Variants in SLC43A2 observed in about 807,000 individuals in gnomAD.
The protein encoded by SLC43A2 is solute carrier family 43 member 2, also known as large neutral amino acids transporter small subunit 4.
Under a neutral mutation model 63.2 loss-of-function variants are expected in SLC43A2, and 38 were observed. The observed-to-expected ratio is 0.60, with a 90% CI of 0.46 to 0.79. SLC43A2 has a LOEUF of 0.79. SLC43A2 is among the 30% of genes least tolerant of loss of function. SLC43A2 has a pLI of 0.00. For missense variants in SLC43A2, 644 were observed against 756.2 expected (o/e 0.85, Z 1.74); for synonymous variants, 322 against 331.0 (o/e 0.97, Z 0.30).
intron 5 of SLC43A2, among the ~76,000 whole-genome samples, chr17:1,594,176 G>A (rs1006071260): frequency 1.3e-5 from 2 of 152,166 alleles, no homozygotes; most frequent in South Asian, 2.1e-4. Context: ...CCCACAGGAT[G>A]TTCGGCCCGA....
chr17:1,616,880 C>T, intron 2 of SLC43A2, 111 bp from the exon 3 acceptor site: 1 of 1,279,310 alleles, frequency 7.8e-7, no homozygotes, highest in Non-Finnish European at 1.1e-6. Context: ...CCAGGGCTGG[C>T]TGGCGGCCTC....
chr17:1,588,362 G>C (rs1904410317), intron 9 of SLC43A2, among the ~76,000 whole-genome samples: 1 of 150,428 alleles, frequency 6.6e-6, no homozygotes, highest in South Asian at 2.1e-4. Context: ...CTCCAGCCCG[G>C]GTGACAAGAG....
At chr17:1,621,291 AG>A (rs141531092) in intron 2 of SLC43A2, among the ~76,000 whole-genome samples, 4 of 152,210 alleles carry the variant, frequency 2.6e-5, no homozygotes, top group African/African-American at 9.6e-5. Flanking sequence ...ATGATGCTTG[AG>A]GGGGCCAAGA....
Position 1,569,499 on chromosome 17 carries a change from G to A in SLC43A2, c.*6105C>T, listed in dbSNP as rs1186722915. 2 of 152,242 alleles carry A rather than the reference G, an allele frequency of 1.3e-5. No individual in the cohort carries two copies. Among genetic ancestry groups the A allele is most frequent in the African/African-American group, 4.8e-5 (2 of 41,452 alleles). 9.4% of individuals were successfully genotyped at this position (152,242 alleles called of 1,614,324 possible). ...GGAAAGGGATTCAGCGAGGTAAGAC[G>A]CTTCCCCTCTCCTCCATTCAGAGAG... On this transcript the variant is annotated 3_prime_UTR_variant, in exon 14 of 14. Transcript: ENST00000301335.
rs778895691 is a variant in SLC43A2 at position 1,578,369 on chromosome 17, G to A, written c.1351-46C>T. On this transcript the variant is annotated intron_variant, in intron 11 of 13. Transcript: ENST00000301335. The surrounding 1 kb of genome is among the most constrained non-coding windows in gnomAD (Gnocchi z 6.5). Reference sequence around the variant, plus strand: ...TGTGGGCATAAGGCCTTAAGGGACCGTCCCCTCAGCCCCCGCCCTCCAATT... The same window carrying A: ...TGTGGGCATAAGGCCTTAAGGGACCATCCCCTCAGCCCCCGCCCTCCAATT... 1.1e-5 allele frequency: 17 copies of A among 1,581,310 alleles called. No individual in the cohort carries two copies. The highest frequency in any genetic ancestry group is 6.8e-5 in the East Asian group (3 of 44,032).
Position 1,583,248 on chromosome 17 carries a change from C to T in SLC43A2, c.1306G>A (p.Val436Met), listed in dbSNP as rs141106834. The T allele has an allele frequency of 1.9e-5, 31 of 1,614,036 alleles. No homozygotes were observed. Among genetic ancestry groups the T allele is most frequent in the Admixed American group, 1.0e-4 (6 of 60,008 alleles). ...RAFAFTNLLLVGFGVTCLIPN... is the reference protein window; with the variant it reads ...RAFAFTNLLLMGFGVTCLIPN... Reference sequence around the variant, plus strand: ...ATGAGGCAGGTCACCCCAAAGCCCACGAGCAGCAGGTTGGTGAAGGCGAAG... The same window carrying T: ...ATGAGGCAGGTCACCCCAAAGCCCATGAGCAGCAGGTTGGTGAAGGCGAAG... The change falls in exon 11 of 14, where the codon GTG becomes ATG. Residue 436 changes from valine to methionine, a missense_variant. This residue lies in a region of SLC43A2 where 528 missense variants were observed against 623.6 expected (regional missense o/e 0.85). Coordinates refer to ENST00000301335, the MANE Select transcript of SLC43A2 (RefSeq NM_152346.3). This position sits in a 1 kb window ranked among gnomAD's most constrained non-coding sequence, Gnocchi z 5.5.
chr17:1,611,426 G>A (rs1377619203), intron 5 of SLC43A2, among the ~76,000 whole-genome samples: 1 of 152,124 alleles, frequency 6.6e-6, no homozygotes, highest in East Asian at 1.9e-4. Flanking sequence ...CCTGAGATCA[G>A]GGGTATGAGA....
At chr17:1,602,676 G>A (rs1041003313) in intron 5 of SLC43A2, among the ~76,000 whole-genome samples, 4 of 150,334 alleles carry the variant, frequency 2.7e-5, no homozygotes, top group Non-Finnish European at 5.9e-5. Flanking sequence ...ATAAAATGAA[G>A]ACATTCACAG....
In SLC43A2 at chr17:1,569,347, G is replaced by A. The variant is rs562582028; in HGVS notation, c.*6257C>T. ...GTGCTAGAAACGGCAAAGGAGCAGG[G>A]AAGAGGCGGGTCAGCCGCTGGGTTG... On this transcript the variant is annotated 3_prime_UTR_variant, in exon 14 of 14. Transcript: ENST00000301335. 1 of 152,508 alleles carries A rather than the reference G, an allele frequency of 6.6e-6. No homozygotes were observed. Among genetic ancestry groups the A allele is most frequent in the South Asian group, 2.1e-4 (1 of 4,834 alleles). 9.4% of individuals were successfully genotyped at this position (152,508 alleles called of 1,614,324 possible).
At chr17:1,609,733 C>G (rs994514278) in intron 5 of SLC43A2, among the ~76,000 whole-genome samples, 1 of 150,724 alleles carries the variant, frequency 6.6e-6, no homozygotes, top group Admixed American at 6.6e-5. Context: ...TACAGAACTG[C>G]TTAATAATAA....
Position 1,591,308 on chromosome 17 carries a change from T to C in SLC43A2, c.892A>G (p.Thr298Ala). The change falls in exon 8 of 14, where the codon ACC (threonine) becomes GCC (alanine). Residue 298 changes from threonine to alanine, a missense_variant. This residue lies in a region of SLC43A2 where 528 missense variants were observed against 623.6 expected (regional missense o/e 0.85). Transcript: ENST00000301335. The part of the protein sequence containing the change: ...LQEGHKLCLS[T>A]VDLEVKCQPD... ...TGGCACTTCACCTCCAGGTCGACGG[T>C]GGACAGGCACAGCTTGTGGCCCTCC... 6.2e-7 allele frequency: 1 copy of C among 1,607,546 alleles called. No homozygotes were observed. Among genetic ancestry groups the C allele is most frequent in the East Asian group, 2.2e-5 (1 of 44,858 alleles).
At chr17:1,589,465 T>C (rs1001235703) in intron 9 of SLC43A2, among the ~76,000 whole-genome samples, 1 of 151,998 alleles carries the variant, frequency 6.6e-6, no homozygotes, top group Admixed American at 6.6e-5. Context: ...ATTAGCTGGG[T>C]GTGGTGGCGC....
At chr17:1,611,908 C>T (rs1907142236) in intron 5 of SLC43A2, among the ~76,000 whole-genome samples, 1 of 9,604 alleles carries the variant, frequency 1.0e-4, no homozygotes, top group Middle Eastern at 0.1. Context: ...CTGGGCGAGC[C>T]CACAGAGTTC....
intron 2 of SLC43A2, among the ~76,000 whole-genome samples, chr17:1,617,499 T>C (rs1052946457): frequency 6.6e-6 from 1 of 152,092 alleles, no homozygotes; most frequent in African/African-American, 2.4e-5. Flanking sequence ...CAAGCAATTC[T>C]CCTGCCTCAG....
chr17:1,586,569 C>T (rs2076105579), intron 9 of SLC43A2, among the ~76,000 whole-genome samples: 1 of 152,046 alleles, frequency 6.6e-6, no homozygotes, highest in African/African-American at 2.4e-5. Flanking sequence ...GTGGCAGGCA[C>T]CTGTAACCCC....
At chr17:1,592,601 C>T (rs975959082) in intron 6 of SLC43A2, among the ~76,000 whole-genome samples, 1 of 152,164 alleles carries the variant, frequency 6.6e-6, no homozygotes, top group African/African-American at 2.4e-5. Flanking sequence ...TTCCCACACA[C>T]ACCACCGAGG....
At position 1,600,135 on chromosome 17, in the gene SLC43A2, A is replaced by AATATATATATATATATATATATATATAT. The variant is rs546467041; in HGVS notation, c.502-6857_502-6856insATATATATATATATATATATATATATAT. Among the ~76,000 whole-genome samples, 12 of 47,904 alleles carry AATATATATATATATATATATATATATAT rather than the reference A, an allele frequency of 2.5e-4. No individual in the cohort carries two copies. The East Asian group carries it at 2.7e-3, about 11-fold the overall frequency. 31.4% of individuals were successfully genotyped at this position (47,904 alleles called of 152,430 possible). ...TTTACAGTAAGCTATATATTAATTGAATATATATATATATATATTTTTTTT... is the reference window on the plus strand; with the variant it reads ...TTTACAGTAAGCTATATATTAATTGAATATATATATATATATATATATATATATATATATATATATATATATTTTTTTT... On this transcript the variant is annotated intron_variant, in intron 5 of 13. Coordinates refer to ENST00000301335, the MANE Select transcript of SLC43A2 (RefSeq NM_152346.3).
At chr17:1,589,057 C>T (rs932983391) in intron 9 of SLC43A2, among the ~76,000 whole-genome samples, 4 of 152,190 alleles carry the variant, frequency 2.6e-5, no homozygotes, top group Non-Finnish European at 5.9e-5. Context: ...TTGGGTGTAA[C>T]GGGTCACAGA....
upstream of SLC43A2, among the ~76,000 whole-genome samples, chr17:1,629,895 T>C (rs932205109): frequency 1.3e-5 from 2 of 152,086 alleles, no homozygotes; most frequent in African/African-American, 4.8e-5. Context: ...GAAGACCCTC[T>C]GACTGCCCCA....
Sources: gnomAD v4.1 joint callset for allele counts (sites outside exome capture counted in the v4.1 genomes callset) on GRCh38, gnomAD v4.1.1 for gene constraint, gnomAD v4.1.1 regional missense constraint, Gnocchi (gnomAD v3.1) non-coding constraint, MANE v1.5 for transcripts, NCBI Gene and HGNC (gene_info 2026-07-23, HGNC 2026-07-21) for gene names.